KTN1: variants seen among roughly 807,000 people sequenced by gnomAD.
The protein encoded by KTN1 is kinectin.
A neutral mutation model predicts 222.5 loss-of-function variants in KTN1; 130 were observed. The ratio of observed to expected loss-of-function variants is 0.58; its 90% CI spans 0.51 to 0.68. The LOEUF is 0.68. Among genes scored for constraint, KTN1 ranks in the 30% least tolerant of loss-of-function variants. The pLI is 0.00. For synonymous variants in KTN1, 512 were observed against 496.3 expected, an observed-to-expected ratio of 1.03 and a Z score of -0.42; for missense variants, 1,508 against 1,500.4, an observed-to-expected ratio of 1.01 and a Z score of -0.08.
chr14:55,646,458 CCTTTTCCTTT>C (rs1566788002), intron 18 of KTN1, among the ~76,000 whole-genome samples: 37 of 60,508 alleles, frequency 6.1e-4, no homozygotes, highest in Middle Eastern at 9.6e-3. Flanking sequence ...TTTTCCTTTT[CCTTTTCCTTT>C]CCTTTCCTTT....
At chr14:55,615,444 T>C (rs1045232574) in intron 2 of KTN1, among the ~76,000 whole-genome samples, 1 of 149,614 alleles carries the variant, frequency 6.7e-6, no homozygotes, top group Non-Finnish European at 1.5e-5. Flanking sequence ...ATTTGACTAC[T>C]CTGGGAATGT....
intron 33 of KTN1, among the ~76,000 whole-genome samples, chr14:55,665,959 A>G (rs1369694925): frequency 6.6e-6 from 1 of 151,770 alleles, no homozygotes; most frequent in Non-Finnish European, 1.5e-5. Context: ...GCTGTTCCTC[A>G]GTGTCTCTTT....
chr14:55,598,221 G>A (rs1050179103), intron 1 of KTN1, among the ~76,000 whole-genome samples: 1 of 152,150 alleles, frequency 6.6e-6, no homozygotes, highest in Non-Finnish European at 1.5e-5. Flanking sequence ...GGATCACGAG[G>A]TCAGGAGATT....
intron 1 of KTN1, among the ~76,000 whole-genome samples, chr14:55,607,922 A>G (rs1238046815): frequency 6.6e-6 from 1 of 152,206 alleles, no homozygotes; most frequent in African/African-American, 2.4e-5. Flanking sequence ...AATACTACAC[A>G]TTTTTTGTGA....
chr14:55,612,902 G>A (rs200819720), intron 2 of KTN1, among the ~76,000 whole-genome samples: 17 of 148,712 alleles, frequency 1.1e-4, no homozygotes, highest in African/African-American at 2.0e-4. Flanking sequence ...GAAATTAAAA[G>A]AAAAAAAAAA....
At chr14:55,591,711 G>A (rs1490470110) in intron 1 of KTN1, among the ~76,000 whole-genome samples, 1 of 150,690 alleles carries the variant, frequency 6.6e-6, no homozygotes, top group African/African-American at 2.4e-5. Flanking sequence ...GCCTCAGCTG[G>A]GATTACAGGC....
chr14:55,646,562 C>G (rs1253697937), intron 18 of KTN1, among the ~76,000 whole-genome samples: 2 of 116,150 alleles, frequency 1.7e-5, no homozygotes, highest in African/African-American at 3.2e-5. Context: ...CTTTCTCTCT[C>G]TTTCTCTTTC....
In KTN1 at chr14:55,597,351, A is replaced by G. The variant is rs1216896746; in HGVS notation, c.-30-14668A>G. On this transcript the variant is annotated intron_variant, in intron 1 of 43. Transcript: ENST00000395314. ...GAATGATAAACACATAAGATTGTGA[A>G]TGTATTAAAGCAAATGCCTCTTAAT... 2.6e-5 allele frequency among the ~76,000 whole-genome samples: 4 copies of G among 152,236 alleles called. No homozygotes were observed. The South Asian group carries it at 6.2e-4, about 24-fold the overall frequency.
chr14:55,659,763 A>G (rs2043909877), intron 31 of KTN1, 60 bp downstream of exon 31: 1 of 967,848 alleles, frequency 1.0e-6, no homozygotes, highest in African/African-American at 1.6e-5. Context: ...GTGGTAAACC[A>G]TTCTCAAATA....
intron 1 of KTN1, among the ~76,000 whole-genome samples, chr14:55,609,551 T>A (rs2037241355): frequency 6.6e-6 from 1 of 152,204 alleles, no homozygotes; most frequent in South Asian, 2.1e-4. Flanking sequence ...ATTAAAACAT[T>A]TGAAGAATCA....
chr14:55,630,927 G>A (rs1483080583), intron 7 of KTN1, among the ~76,000 whole-genome samples: 1 of 152,152 alleles, frequency 6.6e-6, no homozygotes, highest in African/African-American at 2.4e-5. Flanking sequence ...TGGTGTTAGT[G>A]TGAAGGGGAG....
intron 10 of KTN1, 37 bp from the exon 11 acceptor site, chr14:55,637,157 CAAAG>C: frequency 6.8e-7 from 1 of 1,460,714 alleles, no homozygotes; most frequent in Non-Finnish European, 9.3e-7. Context: ...AGTAACTAGG[CAAAG>C]AAAGAGACCT....
intron 41 of KTN1, among the ~76,000 whole-genome samples, chr14:55,677,473 T>TA (rs72424779): frequency 0.023 from 2,296 of 98,102 alleles, 54 homozygotes; most frequent in African/African-American, 0.067. Context: ...AAAGACTGTC[T>TA]AAAAAAAAAA....
rs780533666 is a variant in KTN1, at chr14:55,637,857, C to T, written c.1785+10C>T. 9 of 1,601,746 alleles carry T rather than the reference C, an allele frequency of 5.6e-6. No homozygotes were observed. Among genetic ancestry groups the T allele is most frequent in the Admixed American group, 3.4e-5 (2 of 59,632 alleles). ...CCAGATAGCAGCCCAGGTAATGATG[C>T]TTTCTTATTGCTTATGATTAATAAC... is the stretch of plus-strand genomic sequence containing the variant. On this transcript the variant is annotated intron_variant, in intron 12 of 43. Transcript: ENST00000395314.
At chr14:55,644,189 T>C in intron 18 of KTN1, 1 of 435,630 alleles carries the variant, frequency 2.3e-6, no homozygotes, top group Non-Finnish European at 4.1e-6. Flanking sequence ...TTGCTGCTAG[T>C]GAAAGAAGAG....
rs760466610 is a variant in KTN1 at position 55,646,970 on chromosome 14, T to C, written c.2173-3T>C. On this transcript the variant is annotated splice_polypyrimidine_tract_variant and splice_region_variant and intron_variant, in intron 18 of 43. Coordinates refer to ENST00000395314, the MANE Select transcript of KTN1 (RefSeq NM_001079521.2). ...AAACTTTTTTTGGTGATTTTTATTTTAGCCTAATAAGGATGTTGTGGAACA... is the reference window on the plus strand; with the variant it reads ...AAACTTTTTTTGGTGATTTTTATTTCAGCCTAATAAGGATGTTGTGGAACA... 2.0e-6 allele frequency: 3 copies of C among 1,523,276 alleles called. No homozygotes were observed. The highest frequency in any genetic ancestry group is 1.8e-6 in the Non-Finnish European group (2 of 1,101,666). The allele number at this position is 1,523,276 out of a possible 1,614,324, so 94.4% of individuals were successfully genotyped here.
chr14:55,604,527 T>A (rs1282282009), intron 1 of KTN1, among the ~76,000 whole-genome samples: 1 of 152,188 alleles, frequency 6.6e-6, no homozygotes, highest in Non-Finnish European at 1.5e-5. Flanking sequence ...CATCTTCCTG[T>A]GCTCCCTATT....
chr14:55,639,158 T>C (rs1185349730), intron 12 of KTN1, 27 bp from the exon 13 acceptor site: 3 of 1,525,156 alleles, frequency 2.0e-6, no homozygotes, highest in South Asian at 1.1e-5. Flanking sequence ...TAAATACTTT[T>C]ATGTTGACAC....
intron 37 of KTN1, chr14:55,672,398 A>C (rs2141327725): frequency 5.1e-6 from 2 of 391,442 alleles, no homozygotes. Flanking sequence ...TAATACTAAT[A>C]AAAAATTAAT....
Sources: gnomAD v4.1 joint callset for allele counts (sites outside exome capture counted in the v4.1 genomes callset) on GRCh38, gnomAD v4.1.1 for gene constraint, MANE v1.5 for transcripts, NCBI Gene and HGNC (gene_info 2026-07-23, HGNC 2026-07-21) for gene names.